KLHL5: variants seen among roughly 807,000 people sequenced by gnomAD.
KLHL5 encodes kelch like family member 5, also known as kelch-like protein 5.
A neutral mutation model predicts 77.7 loss-of-function variants in KLHL5; 48 were observed. The observed-to-expected ratio is 0.62, with a 90% CI of 0.49 to 0.79. The LOEUF (loss-of-function observed/expected upper bound fraction) is 0.79. KLHL5 is among the 30% of genes least tolerant of loss of function. The pLI is 0.00. For missense variants in KLHL5, 723 were observed against 859.7 expected (o/e 0.84, Z 1.99); for synonymous variants, 260 against 297.0 (o/e 0.88, Z 1.28).
At chr4:39,132,436 C>G in the KLHL5 span, among the ~76,000 whole-genome samples, 1 of 152,094 alleles carries the variant, frequency 6.6e-6, no homozygotes, top group East Asian at 1.9e-4. Context: ...TGGCAAAACT[C>G]TGTCTCTACT....
chr4:39,088,372 TA>T (rs1720234081), intron 5 of KLHL5, among the ~76,000 whole-genome samples: 1 of 152,220 alleles, frequency 6.6e-6, no homozygotes. Flanking sequence ...ACCAAAAAAG[TA>T]AATCCATATG....
At chr4:39,057,705 T>C (rs1299835088), upstream of KLHL5, among the ~76,000 whole-genome samples, 1 of 152,142 alleles carries the variant, frequency 6.6e-6, no homozygotes, top group African/African-American at 2.4e-5. Context: ...TGAGAGCTGC[T>C]GGGTTAGTAT....
intron 1 of KLHL5, among the ~76,000 whole-genome samples, chr4:39,069,564 AT>A (rs1560412622): frequency 0.011 from 985 of 88,948 alleles, 20 homozygotes; most frequent in Middle Eastern, 0.047. Context: ...ATATATATAT[AT>A]ATAAACCATA....
chr4:39,052,618 T>C (rs547283289), intron 1 of KLHL5, among the ~76,000 whole-genome samples: 1 of 152,354 alleles, frequency 6.6e-6, no homozygotes, highest in African/African-American at 2.4e-5. Context: ...AATTGCACTT[T>C]AGAAGGCTAC....
the KLHL5 span, among the ~76,000 whole-genome samples, chr4:39,139,955 G>A: frequency 6.6e-6 from 1 of 152,132 alleles, no homozygotes; most frequent in African/African-American, 2.4e-5. Context: ...GGCTGGGCGC[G>A]GTGGCTCACA....
intron 5 of KLHL5, among the ~76,000 whole-genome samples, chr4:39,088,921 G>A (rs932929580): frequency 6.6e-6 from 1 of 152,156 alleles, no homozygotes; most frequent in Non-Finnish European, 1.5e-5. Flanking sequence ...AAGAGATGAG[G>A]CTGAAGAGGG....
At chr4:39,047,900 C>G (rs1436790592) in intron 1 of KLHL5, among the ~76,000 whole-genome samples, 1 of 152,192 alleles carries the variant, frequency 6.6e-6, no homozygotes, top group East Asian at 1.9e-4. Context: ...GCCAGAAAGT[C>G]TGGGATTGTG....
At chr4:39,129,164 T>TA (rs528417870), downstream of KLHL5, among the ~76,000 whole-genome samples, 1,172 of 136,240 alleles carry the variant, frequency 8.6e-3, 16 homozygotes, top group African/African-American at 0.028. This position sits in a 1 kb window ranked among gnomAD's most constrained non-coding sequence, Gnocchi z 4.2. Context: ...CATATTTTCT[T>TA]AAAAAAAAAA....
intron 1 of KLHL5, among the ~76,000 whole-genome samples, chr4:39,074,474 C>A (rs1718815691): frequency 6.6e-6 from 1 of 152,206 alleles, no homozygotes; most frequent in Non-Finnish European, 1.5e-5. Context: ...AAAAGCCATA[C>A]CTGTTCTTAG....
At position 39,121,311 on chromosome 4, in the gene KLHL5, A is replaced by C; in HGVS notation, c.*245A>C. ...ATTGTGATCACACATTCCCGAAGTA[A>C]TAAGTGAGGACGAATGCACTGCTCT... is the stretch of plus-strand genomic sequence containing the variant. On this transcript the variant is annotated 3_prime_UTR_variant, in exon 11 of 11. Transcript: ENST00000504108. 1.9e-6 allele frequency: 1 copy of C among 525,316 alleles called. No individual in the cohort carries two copies. Among genetic ancestry groups the C allele is most frequent in the South Asian group, 2.2e-5 (1 of 44,874 alleles). 32.5% of individuals were successfully genotyped at this position (525,316 alleles called of 1,614,324 possible).
chr4:39,082,134 A>T lies in KLHL5; in HGVS notation c.875A>T (p.His292Leu). 6.2e-7 allele frequency: 1 copy of T among 1,607,424 alleles called. No individual in the cohort carries two copies. Among genetic ancestry groups the T allele is most frequent in the East Asian group, 2.2e-5 (1 of 44,840 alleles). Residue 292 changes from histidine to leucine, a missense_variant, in exon 4 of 11, where the codon CAT becomes CTT. Coordinates refer to ENST00000504108, the MANE Select transcript of KLHL5 (RefSeq NM_015990.5). ...FADAQGCTDLHKVAHNYTMEH... is the reference protein window; with the variant it reads ...FADAQGCTDLLKVAHNYTMEH... ...GATGCCCAAGGTTGTACAGATTTGC[A>T]TAAAGTGGCTCACAATTATACTATG... is the stretch of plus-strand genomic sequence containing the variant.
intron 2 of KLHL5, among the ~76,000 whole-genome samples, chr4:39,080,184 T>C (rs1315648819): frequency 6.6e-6 from 1 of 152,148 alleles, no homozygotes; most frequent in African/African-American, 2.4e-5. Flanking sequence ...TATTTAAGTG[T>C]GTTGACATGG....
upstream of KLHL5, among the ~76,000 whole-genome samples, chr4:39,059,108 G>A (rs1437111036): frequency 6.6e-6 from 1 of 152,054 alleles, no homozygotes; most frequent in Non-Finnish European, 1.5e-5. Flanking sequence ...ATCAGAGCTG[G>A]ACAAATTTTG....
the KLHL5 span, among the ~76,000 whole-genome samples, chr4:39,139,282 C>CA: frequency 4.3e-3 from 246 of 57,134 alleles, no homozygotes; most frequent in Middle Eastern, 0.011. Flanking sequence ...AACTCCATCT[C>CA]AAAAAAAAAA....
At chr4:39,127,082 T>C (rs1273250554), downstream of KLHL5, among the ~76,000 whole-genome samples, 11 of 152,134 alleles carry the variant, frequency 7.2e-5, no homozygotes, top group Non-Finnish European at 1.0e-4. Flanking sequence ...ACACCTGCAA[T>C]CCCAGCACTT....
intron 1 of KLHL5, among the ~76,000 whole-genome samples, chr4:39,073,828 A>AT (rs200318552): frequency 0.45 from 65,765 of 146,022 alleles, 15,485 homozygotes; most frequent in Middle Eastern, 0.55. Flanking sequence ...TTTTATTTTT[A>AT]TTTTTTTTTT....
chr4:39,046,116 CTT>C (rs1716170082), intron 1 of KLHL5, among the ~76,000 whole-genome samples: 1 of 150,316 alleles, frequency 6.7e-6, no homozygotes, highest in South Asian at 2.1e-4. Context: ...CTTGTTATGA[CTT>C]ATGTGAATAC....
At chr4:39,083,400 A>G (rs1278675373) in intron 4 of KLHL5, among the ~76,000 whole-genome samples, 1 of 152,178 alleles carries the variant, frequency 6.6e-6, no homozygotes, top group Non-Finnish European at 1.5e-5. Context: ...GAGGGAACAA[A>G]AGCACTCACA....
rs536150360 is a variant in KLHL5, at chr4:39,086,598, C to T, written c.984C>T (p.Asp328=). The change falls in exon 5 of 11, where the codon GAC becomes GAT. Residue 328 remains aspartate (D), a synonymous_variant. Coordinates refer to ENST00000504108, the MANE Select transcript of KLHL5 (RefSeq NM_015990.5). The stretch of plus-strand genomic sequence containing the variant: ...TTGCAAAGCTCTTGGCTAGTGATGA[C>T]ATGAACATTCCTAATGAGGAGACAA... ...SEIAKLLASD[D]MNIPNEETIL... 1.9e-6 allele frequency: 3 copies of T among 1,613,836 alleles called. No individual in the cohort carries two copies. In the South Asian group the frequency reaches 3.3e-5, roughly 18 times the overall value.
Sources: allele counts gnomAD v4.1 joint callset (sites outside exome capture counted in the v4.1 genomes callset), GRCh38; gene constraint gnomAD v4.1.1; non-coding constraint Gnocchi (gnomAD v3.1); transcripts MANE v1.5; gene names NCBI Gene and HGNC (gene_info 2026-07-23, HGNC 2026-07-21).